SNX9: variants seen among roughly 807,000 people sequenced by gnomAD.
SNX9 encodes sorting nexin 9.
In SNX9, 44 loss-of-function variants were observed where a neutral mutation model predicts 89.4. That is an observed-to-expected ratio of 0.49 (90% CI 0.39 to 0.63). The LOEUF is 0.63. Among genes scored for constraint, SNX9 ranks in the 30% least tolerant of loss-of-function variants. The pLI is 0.00. For missense variants in SNX9, 578 were observed against 736.1 expected (o/e 0.79, Z 2.49); for synonymous variants, 236 against 247.8 (o/e 0.95, Z 0.45).
intron 9 of SNX9, among the ~76,000 whole-genome samples, chr6:157,918,696 A>G (rs1783522598): frequency 6.6e-6 from 1 of 151,936 alleles, no homozygotes; most frequent in Non-Finnish European, 1.5e-5. Context: ...CTTTGTGTTA[A>G]ATATTTTACG....
chr6:157,893,562 T>C (rs2746216), intron 4 of SNX9, among the ~76,000 whole-genome samples: 2,265 of 152,100 alleles, frequency 0.015, 29 homozygotes, highest in Non-Finnish European at 0.02. Flanking sequence ...ACAGGGTGGG[T>C]AATTTTCTTG....
At chr6:157,892,663 T>C (rs1349680956) in intron 4 of SNX9, 1 of 152,198 alleles carries the variant, frequency 6.6e-6, no homozygotes, top group African/African-American at 2.4e-5. Context: ...GATTTTAATT[T>C]TTTGAGGACA....
chr6:157,876,374 C>G (rs1392335967), intron 4 of SNX9, among the ~76,000 whole-genome samples: 5 of 152,184 alleles, frequency 3.3e-5, no homozygotes, highest in African/African-American at 9.7e-5. Context: ...ATGACTTGAA[C>G]TGGGAGGCGG....
At chr6:157,879,150 G>A (rs1453262494) in intron 4 of SNX9, among the ~76,000 whole-genome samples, 7 of 152,188 alleles carry the variant, frequency 4.6e-5, no homozygotes, top group South Asian at 2.1e-4. Flanking sequence ...AAGGCCCAGC[G>A]GTTCTGAGTT....
At chr6:157,894,499 CTG>C (rs1328086103) in intron 4 of SNX9, among the ~76,000 whole-genome samples, 1 of 126,954 alleles carries the variant, frequency 7.9e-6, no homozygotes, top group Non-Finnish European at 1.7e-5. Flanking sequence ...TAACAAAAAA[CTG>C]TATTTGCCTC....
At chr6:157,824,626 T>C (rs1182534479) in intron 1 of SNX9, among the ~76,000 whole-genome samples, 1 of 152,202 alleles carries the variant, frequency 6.6e-6, no homozygotes. Context: ...GTCTGCTAGA[T>C]GTTGTGCTGT....
chr6:157,909,430 C>G (rs1039893373), intron 7 of SNX9, among the ~76,000 whole-genome samples: 1 of 152,194 alleles, frequency 6.6e-6, no homozygotes, highest in Non-Finnish European at 1.5e-5. Flanking sequence ...TGTCTCCTCT[C>G]CATGGGCTGA....
In SNX9 at chr6:157,845,989, C is replaced by T. The variant is rs1781798805; in HGVS notation, c.13-21558C>T. On this transcript the variant is annotated intron_variant, in intron 1 of 17. Transcript: ENST00000392185. ...TAACACTTTCAGTGTTATTGATTTG[C>T]AAGAAGGATCAGCTGGAAGGCACAA... is the stretch of plus-strand genomic sequence containing the variant. Among the ~76,000 whole-genome samples the T allele has an allele frequency of 2.0e-5, 3 of 152,294 alleles. No homozygotes were observed. In the Middle Eastern group the frequency reaches 0.01, roughly 518 times the overall value.
intron 1 of SNX9, among the ~76,000 whole-genome samples, chr6:157,843,391 T>C (rs1414028344): frequency 6.9e-6 from 1 of 145,618 alleles, no homozygotes; most frequent in African/African-American, 2.8e-5. Context: ...ATTTTGTATG[T>C]TATATGTATT....
In SNX9 at chr6:157,845,433, CACTT is replaced by C. The variant is rs200670828; in HGVS notation, c.12+21990_12+21993del. 3.5e-4 allele frequency among the ~76,000 whole-genome samples: 54 copies of C among 152,264 alleles called. 1 individual carries two copies. In the East Asian group the frequency reaches 7.3e-3, roughly 21 times the overall value. On this transcript the variant is annotated intron_variant, in intron 1 of 17. Coordinates refer to ENST00000392185, the MANE Select transcript of SNX9 (RefSeq NM_016224.5). ...GCCCCATTTGTCTTAACTGTTGTCT[CACTT>C]ACACTTATTTTGACAGTAAACTTTT...
intron 5 of SNX9, among the ~76,000 whole-genome samples, chr6:157,899,124 AAGG>A (rs1338877742): frequency 6.6e-6 from 1 of 151,220 alleles, no homozygotes; most frequent in Non-Finnish European, 1.5e-5. Context: ...GAGGAAGGAG[AAGG>A]AGGAGAGCCC....
intron 3 of SNX9, chr6:157,874,821 A>G (rs1298538688): frequency 5.0e-6 from 2 of 399,330 alleles, no homozygotes; most frequent in African/African-American, 4.1e-5. Flanking sequence ...CCACTTCTAA[A>G]TAATGCATGG....
chr6:157,931,524 G>A (rs1403374747), intron 12 of SNX9, among the ~76,000 whole-genome samples: 1 of 152,212 alleles, frequency 6.6e-6, no homozygotes, highest in East Asian at 1.9e-4. Context: ...GTTCTCCAAA[G>A]TGATCCTGGA....
In SNX9 at chr6:157,944,242, G is replaced by C. The variant is rs1784098488; in HGVS notation, c.*1404G>C. Reference sequence around the variant, plus strand: ...TACGGGAAATGGAAAGTCTGGGCCAGCATCAATAAAATGACACCAAAAATA... The same window carrying C: ...TACGGGAAATGGAAAGTCTGGGCCACCATCAATAAAATGACACCAAAAATA... On this transcript the variant is annotated 3_prime_UTR_variant, in exon 18 of 18. Coordinates refer to ENST00000392185, the MANE Select transcript of SNX9 (RefSeq NM_016224.5). 6.6e-6 allele frequency: 1 copy of C among 152,556 alleles called. No homozygotes were observed. The highest frequency in any genetic ancestry group is 1.5e-5 in the Non-Finnish European group (1 of 68,034). The allele number at this position is 152,556 out of a possible 1,614,324, so 9.5% of individuals were successfully genotyped here. A position where few individuals can be genotyped will look rare whatever the true frequency, so the allele number is the denominator to read the frequency against.
chr6:157,944,368 A>G lies in SNX9; in HGVS notation c.*1530A>G, dbSNP rs1022939882. 3.9e-5 allele frequency: 6 copies of G among 152,676 alleles called. No individual in the cohort carries two copies. Among genetic ancestry groups the G allele is most frequent in the Non-Finnish European group, 5.9e-5 (4 of 68,050 alleles). The allele number at this position is 152,676 out of a possible 1,614,324, so 9.5% of individuals were successfully genotyped here. ...ATTCTCCCCACTTGATTTTTCTTCT[A>G]TAAAATCCCATAGAACAATGTTTAT... On this transcript the variant is annotated 3_prime_UTR_variant, in exon 18 of 18. Transcript: ENST00000392185.
chr6:157,859,972 T>G (rs546185901), intron 1 of SNX9, among the ~76,000 whole-genome samples: 5 of 152,366 alleles, frequency 3.3e-5, no homozygotes, highest in Admixed American at 1.3e-4. Flanking sequence ...TAGCCTGTCA[T>G]GTGCAGTTTG....
intron 1 of SNX9, among the ~76,000 whole-genome samples, chr6:157,867,041 T>C (rs1189988668): frequency 6.6e-6 from 1 of 152,166 alleles, no homozygotes; most frequent in Non-Finnish European, 1.5e-5. Context: ...TTTGACCTCC[T>C]GGGCTCAAGC....
chr6:157,929,616 A>G (rs961585401), intron 12 of SNX9, among the ~76,000 whole-genome samples: 9 of 152,356 alleles, frequency 5.9e-5, no homozygotes, highest in African/African-American at 1.7e-4. Flanking sequence ...GTTAAAAAAA[A>G]TGTTTTATAT....
At chr6:157,915,640 A>AAAATATATATATATATATATATATAT (rs1472422303) in intron 9 of SNX9, among the ~76,000 whole-genome samples, 4 of 95,136 alleles carry the variant, frequency 4.2e-5, no homozygotes, top group Non-Finnish European at 8.5e-5. Context: ...AAAAAAAAAA[A>AAAATATATATATATATATATATATAT]ATATATATAT....
Sources: allele counts gnomAD v4.1 joint callset (sites outside exome capture counted in the v4.1 genomes callset), GRCh38; gene constraint gnomAD v4.1.1; transcripts MANE v1.5; gene names NCBI Gene and HGNC (gene_info 2026-07-23, HGNC 2026-07-21).